USP14: variants seen among roughly 807,000 people sequenced by gnomAD.
The protein encoded by USP14 is ubiquitin carboxyl-terminal hydrolase 14.
A neutral mutation model predicts 76.5 loss-of-function variants in USP14; 38 were observed. The ratio of observed to expected loss-of-function variants is 0.50; its 90% CI spans 0.38 to 0.65. USP14 has a LOEUF of 0.65. USP14 is among the 30% of genes least tolerant of loss of function. The pLI, the probability that USP14 is intolerant of heterozygous loss-of-function variation, is 0.00. For synonymous variants in USP14, 192 were observed against 191.7 expected, an observed-to-expected ratio of 1.00 and a Z score of -0.01; for missense variants, 467 against 586.5, an observed-to-expected ratio of 0.80 and a Z score of 2.10.
chr18:164,208 C>A (rs1909203045), intron 2 of USP14, among the ~76,000 whole-genome samples: 1 of 151,790 alleles, frequency 6.6e-6, no homozygotes, highest in Non-Finnish European at 1.5e-5. Context: ...AAAATGAAAC[C>A]AATTAATATT....
At position 211,507 on chromosome 18, in the gene USP14, A is replaced by C. The variant is rs1910669954; in HGVS notation, c.*223A>C. The C allele has an allele frequency of 2.6e-6, 1 of 381,564 alleles. No homozygotes were observed. The allele number at this position is 381,564 out of a possible 1,614,324, so 23.6% of individuals were successfully genotyped here. A position where few individuals can be genotyped will look rare whatever the true frequency, so the allele number is the denominator to read the frequency against. Reference sequence around the variant, plus strand: ...TGCCCTATATAAAGGTGGCAGAAAGACATTTTTAAAAAGCTTATTATTTCT... The same window carrying C: ...TGCCCTATATAAAGGTGGCAGAAAGCCATTTTTAAAAAGCTTATTATTTCT... On this transcript the variant is annotated 3_prime_UTR_variant, in exon 16 of 16. Coordinates refer to ENST00000261601, the MANE Select transcript of USP14 (RefSeq NM_005151.4).
intron 3 of USP14, among the ~76,000 whole-genome samples, chr18:175,253 C>T (rs988263202): frequency 3.3e-5 from 5 of 151,956 alleles, no homozygotes; most frequent in African/African-American, 1.2e-4. Flanking sequence ...AATCTTTGTG[C>T]ATTTTGTTTC....
intron 13 of USP14, among the ~76,000 whole-genome samples, chr18:205,860 G>A (rs1598280021): frequency 1.3e-5 from 2 of 152,194 alleles, no homozygotes; most frequent in Non-Finnish European, 1.5e-5. Flanking sequence ...ATTCTCTGGC[G>A]ACTCATCCAG....
Position 171,026 on chromosome 18 carries a change from ATATATATATATAT to A in USP14, c.195+4208_195+4220del, listed in dbSNP as rs1186010249. ...CTGGAACTTAAAAAAAAAAAAAAAA[ATATATATATATAT>A]ATATATATATATATATAAACTGAAG... On this transcript the variant is annotated intron_variant, in intron 3 of 15. Coordinates refer to ENST00000261601, the MANE Select transcript of USP14 (RefSeq NM_005151.4). Among the ~76,000 whole-genome samples the A allele has an allele frequency of 5.5e-4, 17 of 30,746 alleles. 1 individual carries two copies. Among genetic ancestry groups the A allele is most frequent in the African/African-American group, 1.6e-3 (13 of 8,088 alleles). 20.2% of individuals were successfully genotyped at this position (30,746 alleles called of 152,430 possible).
chr18:186,488 C>T (rs572083942), intron 5 of USP14, among the ~76,000 whole-genome samples: 2 of 151,762 alleles, frequency 1.3e-5, no homozygotes, highest in Admixed American at 6.6e-5. Context: ...AGCAGTGGCT[C>T]ATGCTTGTAA....
At chr18:190,513 A>G (rs1910057638) in intron 5 of USP14, among the ~76,000 whole-genome samples, 1 of 152,214 alleles carries the variant, frequency 6.6e-6, no homozygotes, top group Non-Finnish European at 1.5e-5. Flanking sequence ...AGAAACACAT[A>G]TATGAAAGCA....
chr18:195,520 G>T (rs1910206710), intron 6 of USP14, among the ~76,000 whole-genome samples: 1 of 152,212 alleles, frequency 6.6e-6, no homozygotes. Context: ...TCACTAGGAA[G>T]TCCGCAGAGG....
intron 9 of USP14, 76 bp from the exon 10 acceptor site, chr18:199,126 A>G (rs1294879848): frequency 1.2e-6 from 1 of 867,522 alleles, no homozygotes; most frequent in African/African-American, 1.7e-5. Context: ...TAATGGAATT[A>G]GGATAATGTA....
At chr18:188,947 G>A (rs1404016193) in intron 5 of USP14, among the ~76,000 whole-genome samples, 2 of 152,156 alleles carry the variant, frequency 1.3e-5, no homozygotes. Context: ...CCAAAGTGCT[G>A]GGATTACAGG....
intron 5 of USP14, among the ~76,000 whole-genome samples, chr18:190,299 G>T (rs1308739999): frequency 6.6e-6 from 1 of 152,110 alleles, no homozygotes; most frequent in Non-Finnish European, 1.5e-5. Context: ...GGGTATATAT[G>T]AGTATGTATG....
intron 10 of USP14, 40 bp downstream of exon 10, chr18:199,356 C>A: frequency 6.9e-7 from 1 of 1,453,910 alleles, no homozygotes; most frequent in Non-Finnish European, 9.6e-7. Flanking sequence ...TTTGTGAATT[C>A]CATGTTTGCG....
rs138458391 is a variant in USP14 at position 169,673 on chromosome 18, T to C, written c.195+2854T>C. On this transcript the variant is annotated intron_variant, in intron 3 of 15. Coordinates refer to ENST00000261601, the MANE Select transcript of USP14 (RefSeq NM_005151.4). ...CATTTTATTGTGCTTCACAGATAAT[T>C]GTGATTTTTATAAGTTGAAGGTTTG... Among the ~76,000 whole-genome samples the C allele has an allele frequency of 3.1e-3, 474 of 152,268 alleles. 2 individuals are homozygous for C. The highest frequency in any genetic ancestry group is 5.1e-3 in the Non-Finnish European group (344 of 68,018).
intron 15 of USP14, 24 bp downstream of exon 15, chr18:210,517 T>G (rs769706587): frequency 6.7e-7 from 1 of 1,482,040 alleles, no homozygotes; most frequent in South Asian, 1.2e-5. Flanking sequence ...TTTTTTCAAC[T>G]GTTCAATATT....
At chr18:204,136 A>G (rs1910461373) in intron 12 of USP14, among the ~76,000 whole-genome samples, 1 of 152,048 alleles carries the variant, frequency 6.6e-6, no homozygotes, top group Admixed American at 6.6e-5. Context: ...TTAAATATAT[A>G]CTACTATAAG....
intron 9 of USP14, among the ~76,000 whole-genome samples, chr18:198,661 A>G (rs192414023): frequency 2.6e-5 from 4 of 152,000 alleles, no homozygotes; most frequent in African/African-American, 9.7e-5. Flanking sequence ...TTCTTGAAGG[A>G]TATTTATTAT....
chr18:188,109 G>A (rs913662157), intron 5 of USP14, among the ~76,000 whole-genome samples: 7 of 151,964 alleles, frequency 4.6e-5, no homozygotes, highest in African/African-American at 1.7e-4. Context: ...TAGGACTGTT[G>A]TATTTTAGGG....
chr18:158,982 A>G (rs981678131), intron 1 of USP14: 5 of 396,504 alleles, frequency 1.3e-5, no homozygotes, highest in African/African-American at 8.4e-5. Flanking sequence ...ACTCTGCAGA[A>G]TAGTTTCTGA....
At chr18:180,094 G>A (rs1425233544) in intron 4 of USP14, 142 bp from the exon 5 acceptor site, 1 of 484,480 alleles carries the variant, frequency 2.1e-6, no homozygotes, top group Non-Finnish European at 3.6e-6. Flanking sequence ...TGTTTCTTTA[G>A]CGTGAAGGCA....
chr18:208,357 C>G (rs968721224), intron 13 of USP14, among the ~76,000 whole-genome samples: 10 of 152,068 alleles, frequency 6.6e-5, no homozygotes, highest in African/African-American at 2.2e-4. Flanking sequence ...CATCCCGTTT[C>G]ATTGCTGATA....
Sources: allele counts gnomAD v4.1 joint callset (sites outside exome capture counted in the v4.1 genomes callset), GRCh38; gene constraint gnomAD v4.1.1; transcripts MANE v1.5; gene names NCBI Gene and HGNC (gene_info 2026-07-23, HGNC 2026-07-21).